EYS: variants seen among roughly 807,000 people sequenced by gnomAD.
The protein encoded by EYS is EGF-like photoreceptor maintenance factor.
EYS carries 250 observed loss-of-function variants against 282.1 expected under a neutral mutation model. The observed-to-expected ratio is 0.89, with a 90% CI of 0.80 to 0.98. The LOEUF (loss-of-function observed/expected upper bound fraction) is 0.98. EYS is among the 50% of genes least tolerant of loss of function. EYS has a pLI of 0.00. For synonymous variants in EYS, 1,355 were observed against 1,282.9 expected (o/e 1.06, Z -1.20); for missense variants, 4,016 against 3,709.0 (o/e 1.08, Z -2.15).
rs11756450 is a variant in EYS, at chr6:64,409,802, C to G, written c.5928-20962G>C. ...GATATATCAATTTATGTTGATAGGT[C>G]TATAGGGTCTCAAGTACATTTATGC... On this transcript the variant is annotated intron_variant, in intron 28 of 42. Transcript: ENST00000503581. Among the ~76,000 whole-genome samples, 1,075 of 151,962 alleles carry G rather than the reference C, an allele frequency of 7.1e-3. 5 individuals are homozygous for G. Among genetic ancestry groups the G allele is most frequent in the South Asian group, 0.014 (67 of 4,812 alleles).
chr6:65,563,409 T>C (rs888735972), intron 2 of EYS, among the ~76,000 whole-genome samples: 2 of 152,106 alleles, frequency 1.3e-5, no homozygotes, highest in Non-Finnish European at 2.9e-5. Flanking sequence ...CTATGTTATA[T>C]TTTTTATTTT....
rs746819616 is a variant in EYS, at chr6:63,987,630, T to C, written c.6835-3027A>G. On this transcript the variant is annotated intron_variant, in intron 34 of 42. Coordinates refer to ENST00000503581, the MANE Select transcript of EYS (RefSeq NM_001142800.2). ...ATATGGCAGGTAGATGCAGCAACAT[T>C]TGTGTGGGTAACATCTCTGATATCC... Among the ~76,000 whole-genome samples, 6 of 151,738 alleles carry C rather than the reference T, an allele frequency of 4.0e-5. No individual in the cohort carries two copies. In the South Asian group the frequency reaches 8.3e-4, roughly 21 times the overall value.
At chr6:64,767,975 C>T (rs138678003) in intron 22 of EYS, among the ~76,000 whole-genome samples, 7 of 152,048 alleles carry the variant, frequency 4.6e-5, no homozygotes, top group African/African-American at 1.2e-4. Flanking sequence ...ATAGTAGCCA[C>T]GCTAACTGGG....
At chr6:64,443,210 C>T (rs1775006772) in intron 26 of EYS, among the ~76,000 whole-genome samples, 1 of 152,100 alleles carries the variant, frequency 6.6e-6, no homozygotes, top group South Asian at 2.1e-4. Flanking sequence ...ATTTGACTGC[C>T]CTGCTGGATT....
chr6:63,899,335 A>G (rs1410920862), intron 35 of EYS, among the ~76,000 whole-genome samples: 1 of 152,110 alleles, frequency 6.6e-6, no homozygotes, highest in East Asian at 1.9e-4. Flanking sequence ...GATATCCCCA[A>G]CTAGATCCTC....
chr6:64,351,363 T>A (rs1465142961), intron 29 of EYS, among the ~76,000 whole-genome samples: 1 of 151,468 alleles, frequency 6.6e-6, no homozygotes, highest in Admixed American at 6.6e-5. Flanking sequence ...CCAAGTAGTA[T>A]TCAGAGATTC....
chr6:65,057,385 T>C (rs945121807), intron 13 of EYS, among the ~76,000 whole-genome samples: 1 of 152,134 alleles, frequency 6.6e-6, no homozygotes, highest in Non-Finnish European at 1.5e-5. Flanking sequence ...TTGGTGACCT[T>C]TCAAATAGAA....
chr6:63,730,302 C>G (rs1379543591), intron 41 of EYS, among the ~76,000 whole-genome samples: 1 of 152,148 alleles, frequency 6.6e-6, no homozygotes, highest in African/African-American at 2.4e-5. Context: ...TACTTTTTGT[C>G]TTAATCTCTT....
intron 29 of EYS, among the ~76,000 whole-genome samples, chr6:64,378,114 C>A (rs1313525433): frequency 6.6e-6 from 1 of 151,782 alleles, no homozygotes; most frequent in Non-Finnish European, 1.5e-5. Context: ...TGTGTTTCCT[C>A]CCTTTAATAA....
intron 13 of EYS, among the ~76,000 whole-genome samples, chr6:65,048,211 C>T (rs1773159591): frequency 6.6e-6 from 1 of 151,840 alleles, no homozygotes; most frequent in Non-Finnish European, 1.5e-5. Context: ...CACTTTTCTA[C>T]CAAATATTTT....
At chr6:64,001,628 T>TA (rs963121125) in intron 33 of EYS, among the ~76,000 whole-genome samples, 13 of 152,016 alleles carry the variant, frequency 8.6e-5, no homozygotes, top group Non-Finnish European at 1.3e-4. Flanking sequence ...TGCAAAAAGG[T>TA]AAAAAAAGAA....
intron 1 of EYS, among the ~76,000 whole-genome samples, chr6:65,686,434 A>T (rs933964335): frequency 6.6e-6 from 1 of 152,086 alleles, no homozygotes; most frequent in Non-Finnish European, 1.5e-5. Flanking sequence ...TGGCTCCTTG[A>T]TCATACAGTA....
At chr6:65,397,629 T>A (rs1245087969) in intron 7 of EYS, among the ~76,000 whole-genome samples, 1 of 136,846 alleles carries the variant, frequency 7.3e-6, no homozygotes, top group East Asian at 2.1e-4. Context: ...TGTGTGTGTG[T>A]GTATCATGTT....
chr6:65,097,925 A>G (rs892911878), intron 12 of EYS, among the ~76,000 whole-genome samples: 2 of 150,766 alleles, frequency 1.3e-5, no homozygotes, highest in African/African-American at 4.8e-5. Context: ...CTGCTGTACT[A>G]CATTGTGCTC....
intron 1 of EYS, among the ~76,000 whole-genome samples, chr6:65,687,871 A>G (rs1769089321): frequency 6.6e-6 from 1 of 152,182 alleles, no homozygotes; most frequent in South Asian, 2.1e-4. Context: ...AATCCAACTT[A>G]CAAGGGATGT....
intron 14 of EYS, among the ~76,000 whole-genome samples, chr6:64,955,218 A>G (rs1258930502): frequency 6.6e-6 from 1 of 151,896 alleles, no homozygotes; most frequent in African/African-American, 2.4e-5. Context: ...AAAAATCTTA[A>G]TTCCATTTAC....
At chr6:65,611,684 G>A (rs193074551) in intron 2 of EYS, among the ~76,000 whole-genome samples, 4 of 152,088 alleles carry the variant, frequency 2.6e-5, no homozygotes, top group East Asian at 1.9e-4. Context: ...GCGATTTATC[G>A]CAAGATTTCT....
At chr6:65,672,947 T>G (rs1768445101) in intron 1 of EYS, among the ~76,000 whole-genome samples, 2 of 152,002 alleles carry the variant, frequency 1.3e-5, no homozygotes, top group Admixed American at 6.6e-5. Flanking sequence ...GGTTGCTCTC[T>G]GGCAGCAGGG....
chr6:65,086,416 G>A (rs369925399), intron 12 of EYS, among the ~76,000 whole-genome samples: 3 of 152,204 alleles, frequency 2.0e-5, no homozygotes, highest in East Asian at 1.9e-4. Context: ...CATATGTTTG[G>A]TCAAAATTTT....
Sources: gnomAD v4.1 joint callset for allele counts (sites outside exome capture counted in the v4.1 genomes callset) on GRCh38, gnomAD v4.1.1 for gene constraint, MANE v1.5 for transcripts, NCBI Gene and HGNC (gene_info 2026-07-23, HGNC 2026-07-21) for gene names.